CDC42BPA: variants seen among roughly 807,000 people sequenced by gnomAD.
The protein encoded by CDC42BPA is serine/threonine-protein kinase MRCK alpha.
In CDC42BPA, 80 loss-of-function variants were observed where a neutral mutation model predicts 223.5. The ratio of observed to expected loss-of-function variants is 0.36; its 90% CI spans 0.30 to 0.43. The LOEUF is 0.43. Ranked by LOEUF, CDC42BPA falls within the 20% of genes least tolerant of loss-of-function variation. The probability of loss-of-function intolerance (pLI) is 1.00; values close to 1 mark genes in which losing one functional copy is unlikely to be tolerated. For missense variants in CDC42BPA, 1,743 were observed against 2,099.9 expected (o/e 0.83, Z 3.32); for synonymous variants, 694 against 718.6 (o/e 0.97, Z 0.55).
At chr1:227,059,501 T>C in intron 21 of CDC42BPA, 2 of 1,176,884 alleles carry the variant, frequency 1.7e-6, no homozygotes, top group Non-Finnish European at 1.2e-6. Flanking sequence ...AGACAAAGTA[T>C]ATAAACATAC....
intron 1 of CDC42BPA, among the ~76,000 whole-genome samples, chr1:227,310,849 G>C (rs965925885): frequency 7.4e-6 from 1 of 135,320 alleles, no homozygotes; most frequent in Admixed American, 7.6e-5. Context: ...ACCGCGCCCG[G>C]CTAATTTTTT....
In CDC42BPA at chr1:227,091,315, G is replaced by A. The variant is rs183000310; in HGVS notation, c.2355+571C>T. On this transcript the variant is annotated intron_variant, in intron 16 of 36. Coordinates refer to ENST00000366766, the MANE Select transcript of CDC42BPA (RefSeq NM_001394014.1). The stretch of plus-strand genomic sequence containing the variant: ...TCCCAGTGTTGGAGGTGGGGCCTGG[G>A]GGGAGGTGACTGGATCAGGAGGGCA... Among the ~76,000 whole-genome samples, 359 of 152,146 alleles carry A rather than the reference G, an allele frequency of 2.4e-3. 1 individual carries two copies. Among genetic ancestry groups the A allele is most frequent in the Non-Finnish European group, 3.4e-3 (231 of 67,946 alleles).
chr1:227,188,608 A>G (rs1342742414), intron 5 of CDC42BPA, among the ~76,000 whole-genome samples: 1 of 152,206 alleles, frequency 6.6e-6, no homozygotes, highest in Non-Finnish European at 1.5e-5. Flanking sequence ...AAAAGTCTAT[A>G]AACTGTACGA....
At position 227,139,840 on chromosome 1, in the gene CDC42BPA, T is replaced by C. The variant is rs1659360011; in HGVS notation, c.1224-98A>G. ...AAAATTGTTTTTAACTGACTCCACA[T>C]TTATGGCAAAAACATTTTTAAATTG... is the stretch of plus-strand genomic sequence containing the variant. On this transcript the variant is annotated intron_variant, in intron 9 of 36. Transcript: ENST00000366766. 3 of 598,900 alleles carry C rather than the reference T, an allele frequency of 5.0e-6. No homozygotes were observed. In the East Asian group the frequency reaches 9.9e-5, roughly 20 times the overall value. The allele number at this position is 598,900 out of a possible 1,614,324, so 37.1% of individuals were successfully genotyped here. A position where few individuals can be genotyped will look rare whatever the true frequency, so the allele number is the denominator to read the frequency against.
At chr1:227,119,271 T>C (rs1343056964) in intron 12 of CDC42BPA, among the ~76,000 whole-genome samples, 5 of 152,090 alleles carry the variant, frequency 3.3e-5, no homozygotes, top group African/African-American at 1.2e-4. Context: ...TACAGAGGCT[T>C]AGCTATCAAT....
At chr1:227,066,827 A>G (rs1677194391) in intron 21 of CDC42BPA, among the ~76,000 whole-genome samples, 1 of 152,206 alleles carries the variant, frequency 6.6e-6, no homozygotes, top group South Asian at 2.1e-4. Flanking sequence ...ACATTATGAG[A>G]TTAGTTATAT....
At chr1:227,063,179 T>A (rs1676293504) in intron 21 of CDC42BPA, among the ~76,000 whole-genome samples, 1 of 152,166 alleles carries the variant, frequency 6.6e-6, no homozygotes, top group Non-Finnish European at 1.5e-5. Context: ...ACACACTTTC[T>A]CTCTCATATA....
chr1:227,074,393 G>A (rs1308856584), intron 17 of CDC42BPA, 29 bp from the exon 18 acceptor site: 4 of 1,535,066 alleles, frequency 2.6e-6, no homozygotes, highest in Admixed American at 3.8e-5. Flanking sequence ...AAGTACAAAA[G>A]TAAAACAAAA....
At chr1:227,127,447 A>T (rs1450901477) in intron 11 of CDC42BPA, among the ~76,000 whole-genome samples, 2 of 152,254 alleles carry the variant, frequency 1.3e-5, no homozygotes, top group Non-Finnish European at 2.9e-5. Context: ...AGCTACTGCC[A>T]TTCAAAGCCA....
chr1:227,162,656 C>A (rs1431994732), intron 5 of CDC42BPA, among the ~76,000 whole-genome samples: 1 of 151,982 alleles, frequency 6.6e-6, no homozygotes, highest in African/African-American at 2.4e-5. Flanking sequence ...CACAGTGAGA[C>A]CCCTTCTCTA....
intron 34 of CDC42BPA, among the ~76,000 whole-genome samples, chr1:227,014,157 A>C (rs1199954429): frequency 6.6e-6 from 1 of 151,938 alleles, no homozygotes; most frequent in Non-Finnish European, 1.5e-5. Flanking sequence ...GAAATCTGAG[A>C]TCTCACTCCC....
intron 2 of CDC42BPA, among the ~76,000 whole-genome samples, chr1:227,230,816 CTTTCTTTTTTTTTTTTTTTTTTT>C (rs1417638392): frequency 1.8e-5 from 1 of 54,064 alleles, no homozygotes; most frequent in African/African-American, 6.4e-5. Flanking sequence ...TTTTTTCTTT[CTTTCTTTTTTTTTTTTTTTTTTT>C]GAGACAGAGT....
chr1:227,047,956 A>T lies in CDC42BPA; in HGVS notation c.3064T>A (p.Cys1022Ser), dbSNP rs750891069. The change falls in exon 23 of 37, where the codon TGT becomes AGT. Residue 1022 changes from cysteine to serine, a missense_variant. Coordinates refer to ENST00000366766, the MANE Select transcript of CDC42BPA (RefSeq NM_001394014.1). ...VHTPTLRKKG[C>S]PGSTGFPPKR... Reference sequence around the variant, plus strand: ...GGTGGAAAGCCAGTTGAACCAGGACATCCTTTTTTCCTTAAGGTTGGTGTG... The same window carrying T: ...GGTGGAAAGCCAGTTGAACCAGGACTTCCTTTTTTCCTTAAGGTTGGTGTG... 1 of 1,611,298 alleles carries T rather than the reference A, an allele frequency of 6.2e-7. No individual in the cohort carries two copies. Among genetic ancestry groups the T allele is most frequent in the East Asian group, 2.2e-5 (1 of 44,746 alleles).
At chr1:227,308,255 C>A (rs1257911503) in intron 1 of CDC42BPA, among the ~76,000 whole-genome samples, 1 of 152,068 alleles carries the variant, frequency 6.6e-6, no homozygotes, top group Admixed American at 6.5e-5. Context: ...CCTAAAATCC[C>A]AGCACTTTGG....
intron 2 of CDC42BPA, among the ~76,000 whole-genome samples, chr1:227,240,692 CA>C (rs35377176): frequency 0.12 from 17,454 of 140,618 alleles, 1,221 homozygotes; most frequent in South Asian, 0.19. Context: ...GCTACAAATA[CA>C]AAAAAAAAAA....
At chr1:227,081,759 G>T (rs951604128) in intron 16 of CDC42BPA, among the ~76,000 whole-genome samples, 1 of 151,588 alleles carries the variant, frequency 6.6e-6, no homozygotes, top group Non-Finnish European at 1.5e-5. Context: ...TGGCCTATAC[G>T]CCTGTTCTCT....
At chr1:227,314,243 TAAAAC>T (rs66854285) in intron 1 of CDC42BPA, among the ~76,000 whole-genome samples, 16,829 of 152,050 alleles carry the variant, frequency 0.11, 1,170 homozygotes, top group South Asian at 0.19. Context: ...TTCAACAACT[TAAAAC>T]TAAGCAGACA....
At chr1:227,314,757 G>T (rs940593649) in intron 1 of CDC42BPA, among the ~76,000 whole-genome samples, 2 of 110,482 alleles carry the variant, frequency 1.8e-5, no homozygotes, top group Admixed American at 1.6e-4. Flanking sequence ...GTCTTTTAAA[G>T]ATTTAAATAA....
intron 27 of CDC42BPA, 60 bp downstream of exon 27, chr1:227,033,274 G>T: frequency 9.2e-7 from 1 of 1,090,978 alleles, no homozygotes; most frequent in Non-Finnish European, 1.4e-6. Context: ...ATATAGGGAG[G>T]CAAAATATAC....
Sources: allele counts gnomAD v4.1 joint callset (sites outside exome capture counted in the v4.1 genomes callset), GRCh38; gene constraint gnomAD v4.1.1; transcripts MANE v1.5; gene names NCBI Gene and HGNC (gene_info 2026-07-23, HGNC 2026-07-21).